PLEKHM3: variants seen among roughly 807,000 people sequenced by gnomAD.
The protein encoded by PLEKHM3 is pleckstrin homology domain-containing family M member 3.
In PLEKHM3, 45 loss-of-function variants were observed where a neutral mutation model predicts 81.8. The observed-to-expected ratio is 0.55, with a 90% CI of 0.43 to 0.71. The LOEUF (loss-of-function observed/expected upper bound fraction) is 0.71. PLEKHM3 is among the 30% of genes least tolerant of loss of function. The pLI is 0.00. For synonymous variants in PLEKHM3, 352 were observed against 356.4 expected (o/e 0.99, Z 0.14); for missense variants, 788 against 924.3 (o/e 0.85, Z 1.91).
chr2:208,003,974 A>T (rs771845889), intron 1 of PLEKHM3, among the ~76,000 whole-genome samples: 47 of 152,324 alleles, frequency 3.1e-4, no homozygotes, highest in Middle Eastern at 3.4e-3. Flanking sequence ...TCCTTTTCTC[A>T]TCCAGTGTTT....
At chr2:207,963,067 G>C (rs1690794311) in intron 3 of PLEKHM3, among the ~76,000 whole-genome samples, 1 of 152,156 alleles carries the variant, frequency 6.6e-6, no homozygotes, top group Non-Finnish European at 1.5e-5. Flanking sequence ...CCTAATGGTG[G>C]GTGTTGGGAT....
intron 5 of PLEKHM3, among the ~76,000 whole-genome samples, chr2:207,923,425 T>A (rs1689252523): frequency 6.6e-6 from 1 of 151,652 alleles, no homozygotes; most frequent in Non-Finnish European, 1.5e-5. Context: ...CTGACAAACA[T>A]GGAGAAACCC....
chr2:207,948,264 T>C (rs1034735422), intron 3 of PLEKHM3, among the ~76,000 whole-genome samples: 1 of 152,104 alleles, frequency 6.6e-6, no homozygotes, highest in Non-Finnish European at 1.5e-5. Context: ...GCATTACTCA[T>C]TTGGCATTTA....
chr2:207,866,939 T>G (rs919789180), intron 6 of PLEKHM3, among the ~76,000 whole-genome samples: 1 of 152,210 alleles, frequency 6.6e-6, no homozygotes, highest in Admixed American at 6.5e-5. Flanking sequence ...CTTATCCAAT[T>G]GTAGACTGAA....
chr2:207,905,534 T>C (rs1358140791), intron 6 of PLEKHM3, among the ~76,000 whole-genome samples: 1 of 152,244 alleles, frequency 6.6e-6, no homozygotes, highest in African/African-American at 2.4e-5. Context: ...CTAGAAAACA[T>C]GCTTGTTATT....
At chr2:207,850,716 G>T (rs2092407674) in intron 7 of PLEKHM3, among the ~76,000 whole-genome samples, 1 of 152,160 alleles carries the variant, frequency 6.6e-6, no homozygotes, top group South Asian at 2.1e-4. Context: ...AAGCTGCATA[G>T]GAGGCAATTT....
At chr2:207,978,350 C>A (rs922230016) in intron 2 of PLEKHM3, among the ~76,000 whole-genome samples, 1 of 142,550 alleles carries the variant, frequency 7.0e-6, no homozygotes, top group Admixed American at 6.9e-5. Flanking sequence ...TTTACCATTA[C>A]TTTTAACGGT....
At chr2:207,914,104 G>A (rs1455529139) in intron 5 of PLEKHM3, among the ~76,000 whole-genome samples, 1 of 152,192 alleles carries the variant, frequency 6.6e-6, no homozygotes, top group Non-Finnish European at 1.5e-5. Flanking sequence ...TGTAATCCCA[G>A]CACTTTGGGA....
chr2:208,020,364 G>T (rs1693085415), intron 1 of PLEKHM3, among the ~76,000 whole-genome samples: 3 of 152,192 alleles, frequency 2.0e-5, no homozygotes, highest in African/African-American at 7.2e-5. Flanking sequence ...AAAACAGCAT[G>T]CCTGACATCT....
At chr2:207,975,031 T>C (rs914333064) in intron 3 of PLEKHM3, among the ~76,000 whole-genome samples, 2 of 152,018 alleles carry the variant, frequency 1.3e-5, no homozygotes, top group Non-Finnish European at 2.9e-5. Context: ...GGTTTCACCA[T>C]ATTGGCCAGG....
In PLEKHM3 at chr2:207,865,781, C is replaced by CAAAAAAAAAAAAAAA. The variant is rs71412445; in HGVS notation, c.1951-4534_1951-4520dup. The stretch of plus-strand genomic sequence containing the variant: ...GGCAACAAGAACAAAAACTCCGACT[C>CAAAAAAAAAAAAAAA]AAAAAAAAAAAAAAAAAAAAAGATA... On this transcript the variant is annotated intron_variant, in intron 6 of 7. Transcript: ENST00000427836. 7.9e-4 allele frequency among the ~76,000 whole-genome samples: 3 copies of CAAAAAAAAAAAAAAA among 3,796 alleles called. 1 individual carries two copies. Among genetic ancestry groups the CAAAAAAAAAAAAAAA allele is most frequent in the Non-Finnish European group, 1.6e-3 (3 of 1,822 alleles). The allele number at this position is 3,796 out of a possible 152,430, so 2.5% of individuals were successfully genotyped here. A position where few individuals can be genotyped will look rare whatever the true frequency, so the allele number is the denominator to read the frequency against.
At position 207,821,544 on chromosome 2, in the gene PLEKHM3, ATAACT is replaced by A. The variant is rs1199929164; in HGVS notation, c.*6770_*6774del. Reference sequence around the variant, plus strand: ...TAAGTTAGCACATTAGCTACTACAAATAACTTAACACAAAGTGATATAACAGCCCA... The same window carrying A: ...TAAGTTAGCACATTAGCTACTACAAATAACACAAAGTGATATAACAGCCCA... On this transcript the variant is annotated 3_prime_UTR_variant, in exon 8 of 8. Coordinates refer to ENST00000427836, the MANE Select transcript of PLEKHM3 (RefSeq NM_001080475.3). 2.0e-5 allele frequency: 3 copies of A among 152,210 alleles called. No individual in the cohort carries two copies. The highest frequency in any genetic ancestry group is 2.9e-5 in the Non-Finnish European group (2 of 68,044). The allele number at this position is 152,210 out of a possible 1,614,324, so 9.4% of individuals were successfully genotyped here.
In PLEKHM3 at chr2:207,977,380, C is replaced by T. The variant is rs772205475; in HGVS notation, c.817G>A (p.Ala273Thr). The T allele has an allele frequency of 3.7e-6, 6 of 1,614,170 alleles. No individual in the cohort carries two copies. Among genetic ancestry groups the T allele is most frequent in the Non-Finnish European group, 5.1e-6 (6 of 1,180,020 alleles). Reference sequence around the variant, plus strand: ...TACAAAACAGTATCCACCATCCTGGCCTCCAGGTTGCCTAAAACAGATATG... The same window carrying T: ...TACAAAACAGTATCCACCATCCTGGTCTCCAGGTTGCCTAAAACAGATATG... ...QSISVLGNLE[A>T]RMVDTVLYDN... Residue 273 changes from alanine to threonine, a missense_variant, in exon 3 of 8, where the codon GCC (alanine) becomes ACC (threonine). Physicochemically the swap from Ala to Thr is moderately conservative, Grantham distance 58. Coordinates refer to ENST00000427836, the MANE Select transcript of PLEKHM3 (RefSeq NM_001080475.3).
At chr2:208,017,784 A>G (rs1438509676) in intron 1 of PLEKHM3, among the ~76,000 whole-genome samples, 1 of 152,060 alleles carries the variant, frequency 6.6e-6, no homozygotes, top group African/African-American at 2.4e-5. Context: ...TTTTTGCTAA[A>G]CCCTAAAGAC....
intron 7 of PLEKHM3, among the ~76,000 whole-genome samples, chr2:207,838,978 C>T (rs4381765): frequency 0.64 from 96,975 of 151,970 alleles, 31,270 homozygotes; most frequent in African/African-American, 0.71. Flanking sequence ...GGAGTGAATA[C>T]GAGATTATTA....
chr2:208,011,064 C>CAAAAAA (rs10587149), intron 1 of PLEKHM3, among the ~76,000 whole-genome samples: 248 of 63,614 alleles, frequency 3.9e-3, no homozygotes, highest in Non-Finnish European at 6.6e-3. Context: ...TGGCCATAAT[C>CAAAAAA]AAAAAAAAAA....
At chr2:207,878,250 A>T (rs949330311) in intron 6 of PLEKHM3, among the ~76,000 whole-genome samples, 1 of 152,034 alleles carries the variant, frequency 6.6e-6, no homozygotes. Flanking sequence ...TCATTGCCTC[A>T]CTTATGATAA....
intron 4 of PLEKHM3, among the ~76,000 whole-genome samples, chr2:207,938,433 A>AT (rs1334869986): frequency 1.3e-5 from 2 of 152,218 alleles, no homozygotes; most frequent in South Asian, 2.1e-4. Flanking sequence ...CTGCAAAACC[A>AT]TTTTTTTACT....
At chr2:207,984,628 A>C (rs535970198) in intron 2 of PLEKHM3, among the ~76,000 whole-genome samples, 15 of 152,004 alleles carry the variant, frequency 9.9e-5, no homozygotes, top group Admixed American at 9.2e-4. Flanking sequence ...TGACCCACCC[A>C]CCTCGGCCTC....
Sources: gnomAD v4.1 joint callset for allele counts (sites outside exome capture counted in the v4.1 genomes callset) on GRCh38, gnomAD v4.1.1 for gene constraint, MANE v1.5 for transcripts, NCBI Gene and HGNC (gene_info 2026-07-23, HGNC 2026-07-21) for gene names.